The following RAB1A variants were observed in gnomAD, a reference collection of about 807,000 sequenced individuals.
The protein encoded by RAB1A is ras-related protein Rab-1A.
In RAB1A, 2 loss-of-function variants were observed where a neutral mutation model predicts 26.0. The observed-to-expected ratio is 0.08, with a 90% CI of 0.03 to 0.24. The LOEUF (loss-of-function observed/expected upper bound fraction) is 0.24. Ranked by LOEUF, RAB1A falls within the 10% of genes least tolerant of loss-of-function variation. The pLI is 1.00. For missense variants in RAB1A, 100 were observed against 247.0 expected, an observed-to-expected ratio of 0.40 and a Z score of 3.99; for synonymous variants, 84 against 84.9, an observed-to-expected ratio of 0.99 and a Z score of 0.06.
chr2:65,095,954 C>G (rs971763947), intron 3 of RAB1A, among the ~76,000 whole-genome samples: 1 of 152,014 alleles, frequency 6.6e-6, no homozygotes, highest in Non-Finnish European at 1.5e-5. Context: ...GAGTTCGAGA[C>G]CAGCCTAACC....
chr2:65,111,687 G>A (rs1045299623), intron 1 of RAB1A, among the ~76,000 whole-genome samples: 5 of 152,114 alleles, frequency 3.3e-5, no homozygotes, highest in African/African-American at 7.2e-5. Context: ...TAGGAAAAGC[G>A]GAAAGAAGGG....
At chr2:65,112,177 G>A (rs957032308) in intron 1 of RAB1A, among the ~76,000 whole-genome samples, 22 of 141,656 alleles carry the variant, frequency 1.6e-4, no homozygotes, top group African/African-American at 5.7e-4. Context: ...ACAGAGTCTT[G>A]CTCTGTTGCC....
At chr2:65,112,102 A>G (rs1669713079) in intron 1 of RAB1A, among the ~76,000 whole-genome samples, 1 of 152,056 alleles carries the variant, frequency 6.6e-6, no homozygotes, top group African/African-American at 2.4e-5. Context: ...AAAACAAAAC[A>G]AAACGAAAAA....
intron 2 of RAB1A, among the ~76,000 whole-genome samples, chr2:65,101,868 G>A (rs1669439764): frequency 6.8e-6 from 1 of 148,144 alleles, no homozygotes; most frequent in South Asian, 2.2e-4. Context: ...TCCTGCCTCA[G>A]CCTCCCAAGT....
At chr2:65,091,628 C>G (rs1485790931) in intron 3 of RAB1A, among the ~76,000 whole-genome samples, 1 of 152,166 alleles carries the variant, frequency 6.6e-6, no homozygotes, top group African/African-American at 2.4e-5. Context: ...CCACCTCAAG[C>G]AATCCTTCCA....
At chr2:65,108,083 T>C (rs1558582332) in intron 1 of RAB1A, among the ~76,000 whole-genome samples, 1 of 147,776 alleles carries the variant, frequency 6.8e-6, no homozygotes, top group Non-Finnish European at 1.5e-5. Flanking sequence ...TCAACAACTC[T>C]ATTTCAGAGC....
At chr2:65,091,103 C>A in intron 3 of RAB1A, 25 bp from the exon 4 acceptor site, 1 of 1,555,496 alleles carries the variant, frequency 6.4e-7, no homozygotes, top group Non-Finnish European at 8.9e-7. Flanking sequence ...TCAAGAAATC[C>A]AAACAATTCC....
chr2:65,117,679 A>C (rs1184701378), intron 1 of RAB1A, among the ~76,000 whole-genome samples: 1 of 149,422 alleles, frequency 6.7e-6, no homozygotes, highest in Non-Finnish European at 1.5e-5. Flanking sequence ...CGATCCTCCT[A>C]CTTCAGCCTC....
At chr2:65,110,535 A>T (rs1669671233) in intron 1 of RAB1A, among the ~76,000 whole-genome samples, 1 of 152,226 alleles carries the variant, frequency 6.6e-6, no homozygotes, top group South Asian at 2.1e-4. Flanking sequence ...ATACTCATGA[A>T]TTCATAGCAG....
At chr2:65,102,849 C>A (rs1171155311) in intron 2 of RAB1A, among the ~76,000 whole-genome samples, 4 of 151,820 alleles carry the variant, frequency 2.6e-5, no homozygotes, top group Non-Finnish European at 5.9e-5. Flanking sequence ...TTGCTTGAAC[C>A]CGAGAAGCGG....
At chr2:65,095,328 G>T (rs34012288) in intron 3 of RAB1A, among the ~76,000 whole-genome samples, 1 of 151,800 alleles carries the variant, frequency 6.6e-6, no homozygotes, top group African/African-American at 2.4e-5. Flanking sequence ...GAACCACGAC[G>T]CCCGGACAGC....
chr2:65,101,262 G>A (rs1669420355), intron 2 of RAB1A, among the ~76,000 whole-genome samples: 1 of 151,970 alleles, frequency 6.6e-6, no homozygotes, highest in Non-Finnish European at 1.5e-5. Context: ...ATCTCTCTCT[G>A]CATAACCCTA....
At position 65,087,055 on chromosome 2, in the gene RAB1A, C is replaced by G. The variant is rs929990585; in HGVS notation, c.*1438G>C. On this transcript the variant is annotated 3_prime_UTR_variant, in exon 6 of 6. Transcript: ENST00000409784. ...AAATTTTATCATTAAATTAAGGAGC[C>G]CACAACAAAATGTGTTGCCAGCAGC... The G allele has an allele frequency of 3.9e-5, 6 of 152,060 alleles. No individual in the cohort carries two copies. The highest frequency in any genetic ancestry group is 1.4e-4 in the African/African-American group (6 of 41,382). The allele number at this position is 152,060 out of a possible 1,614,324, so 9.4% of individuals were successfully genotyped here.
intron 4 of RAB1A, 63 bp from the exon 5 acceptor site, chr2:65,089,133 A>C: frequency 7.0e-7 from 1 of 1,434,564 alleles, no homozygotes; most frequent in Non-Finnish European, 9.5e-7. Flanking sequence ...ATAAACAGAA[A>C]CATCGTTCCT....
intron 3 of RAB1A, among the ~76,000 whole-genome samples, chr2:65,094,293 C>A (rs1669234911): frequency 6.6e-6 from 1 of 152,130 alleles, no homozygotes; most frequent in African/African-American, 2.4e-5. Flanking sequence ...TAATTAAAAA[C>A]AAGCAAATCG....
intron 2 of RAB1A, among the ~76,000 whole-genome samples, 198 bp from the exon 3 acceptor site, chr2:65,098,264 A>G (rs566301820): frequency 3.3e-5 from 5 of 152,342 alleles, no homozygotes; most frequent in African/African-American, 1.2e-4. Context: ...TACTTACTTC[A>G]TATTCTGATT....
chr2:65,104,681 T>C lies in RAB1A; in HGVS notation c.96+53A>G. 6 of 1,260,722 alleles carry C rather than the reference T, an allele frequency of 4.8e-6. No homozygotes were observed. The South Asian group carries it at 6.5e-5, about 14-fold the overall frequency. The allele number at this position is 1,260,722 out of a possible 1,614,324, so 78.1% of individuals were successfully genotyped here. On this transcript the variant is annotated intron_variant, in intron 2 of 5. Transcript: ENST00000409784. ...TTTAATTTTATCTACCTAGAAAACA[T>C]ACATAGCATTAATTGTACCATTAAT...
chr2:65,118,194 T>C (rs1473331817), intron 1 of RAB1A, among the ~76,000 whole-genome samples: 1 of 152,206 alleles, frequency 6.6e-6, no homozygotes, highest in Non-Finnish European at 1.5e-5. Flanking sequence ...TCCTCTCCAG[T>C]TGAATCAACA....
intron 2 of RAB1A, among the ~76,000 whole-genome samples, chr2:65,101,228 T>C (rs1669419300): frequency 6.6e-6 from 1 of 152,132 alleles, no homozygotes; most frequent in Non-Finnish European, 1.5e-5. Flanking sequence ...GCCGTTACTA[T>C]TCGTCTGCCC....
Sources: allele counts gnomAD v4.1 joint callset (sites outside exome capture counted in the v4.1 genomes callset), GRCh38; gene constraint gnomAD v4.1.1; transcripts MANE v1.5; gene names NCBI Gene and HGNC (gene_info 2026-07-23, HGNC 2026-07-21).